SPESP1: variants seen among roughly 807,000 people sequenced by gnomAD.
SPESP1 encodes sperm equatorial segment protein 1.
A neutral mutation model predicts 3.1 loss-of-function variants in SPESP1; 1 was observed. The observed-to-expected ratio is 0.33, with a 90% CI of 0.12 to 1.54. The LOEUF is 1.54. Ranked by LOEUF, SPESP1 falls within the 40% of genes most tolerant of loss-of-function variation. The pLI, the probability that SPESP1 is intolerant of heterozygous loss-of-function variation, is 0.38. For synonymous variants in SPESP1, 138 were observed against 150.7 expected, an observed-to-expected ratio of 0.92 and a Z score of 0.62; for missense variants, 398 against 410.1, an observed-to-expected ratio of 0.97 and a Z score of 0.26.
intron 1 of SPESP1, among the ~76,000 whole-genome samples, chr15:68,934,816 T>G (rs1378579549): frequency 6.6e-6 from 1 of 152,156 alleles, no homozygotes; most frequent in African/African-American, 2.4e-5. Context: ...AAACACACAA[T>G]TTATTTAACC....
At chr15:68,944,388 A>T (rs916657992) in intron 1 of SPESP1, among the ~76,000 whole-genome samples, 3 of 151,546 alleles carry the variant, frequency 2.0e-5, no homozygotes, top group African/African-American at 4.8e-5. Context: ...CATTAGATAG[A>T]CGCCCCAACA....
intron 1 of SPESP1, among the ~76,000 whole-genome samples, chr15:68,934,278 C>T (rs1895627489): frequency 2.0e-5 from 3 of 152,022 alleles, no homozygotes; most frequent in South Asian, 4.1e-4. Context: ...AGGATTTTGT[C>T]CTAATGAACC....
At chr15:68,939,203 A>G (rs573589960) in intron 1 of SPESP1, among the ~76,000 whole-genome samples, 9 of 152,270 alleles carry the variant, frequency 5.9e-5, no homozygotes, top group Non-Finnish European at 1.0e-4. Context: ...ATGGTTTCCC[A>G]AGCTGAAGAT....
At chr15:68,942,116 A>C (rs898845618) in intron 1 of SPESP1, among the ~76,000 whole-genome samples, 1 of 150,712 alleles carries the variant, frequency 6.6e-6, no homozygotes, top group Admixed American at 6.6e-5. Flanking sequence ...GAATCACTGC[A>C]CACAGCCAAT....
intron 1 of SPESP1, among the ~76,000 whole-genome samples, chr15:68,940,445 A>G (rs1396561597): frequency 6.6e-6 from 1 of 152,188 alleles, no homozygotes; most frequent in Non-Finnish European, 1.5e-5. Context: ...ATTATCAAAT[A>G]TCTGGTTAGT....
chr15:68,933,557 TAA>T (rs879556878), intron 1 of SPESP1, among the ~76,000 whole-genome samples: 3 of 145,456 alleles, frequency 2.1e-5, no homozygotes, highest in Admixed American at 1.4e-4. Context: ...CTTTTTGCTT[TAA>T]AAAAAAAAAA....
In SPESP1 at chr15:68,945,946, C is replaced by T. The variant is rs150646553; in HGVS notation, c.412C>T (p.Pro138Ser). The T allele has an allele frequency of 2.5e-6, 4 of 1,614,098 alleles. No homozygotes were observed. In the Admixed American group the frequency reaches 5.0e-5, roughly 20 times the overall value. ...TTCCATTGTTTTGCATGCAGAGGAA[C>T]CTTATATTGAAAATGAAGAGCCAGA... ...NVSIVLHAEE[P>S]YIENEEPEPE... The change falls in exon 2 of 2, where the codon CCT becomes TCT. Residue 138 changes from proline (P) to serine (S), a missense_variant. Coordinates refer to ENST00000310673, the MANE Select transcript of SPESP1 (RefSeq NM_145658.4).
At chr15:68,945,478 G>C (rs752936789) in intron 1 of SPESP1, 121 bp from the exon 2 acceptor site, 27 of 735,688 alleles carry the variant, frequency 3.7e-5, no homozygotes, top group Non-Finnish European at 5.4e-5. Flanking sequence ...TTTGCATATT[G>C]GTTCTTTATT....
At chr15:68,942,941 A>G (rs1895864723) in intron 1 of SPESP1, among the ~76,000 whole-genome samples, 1 of 144,030 alleles carries the variant, frequency 6.9e-6, no homozygotes, top group Non-Finnish European at 1.5e-5. Flanking sequence ...GAGTTTACAT[A>G]AATAAGTTAT....
In SPESP1 at chr15:68,946,538, A is replaced by G. The variant is rs763199681; in HGVS notation, c.1004A>G (p.Lys335Arg). 6.3e-7 allele frequency: 1 copy of G among 1,582,474 alleles called. No homozygotes were observed. The highest frequency in any genetic ancestry group is 8.5e-7 in the Non-Finnish European group (1 of 1,170,652). The change falls in exon 2 of 2, where the codon AAA becomes AGA. Residue 335 changes from lysine to arginine, a missense_variant. Transcript: ENST00000310673. ...GCTGCTACAGTATTCAATACATTAA[A>G]AAATATGTGTAGATCAAGGAGAGTC... The part of the protein sequence containing the change: ...EKAATVFNTL[K>R]NMCRSRRVTA...
Position 68,938,892 on chromosome 15 carries a change from G to T in SPESP1, c.65-6707G>T, listed in dbSNP as rs181652831. ...GTACTTCTCACAGTCAAAGCTCTGGGTATAGTGCCTGGCACATAGTGATCA... is the reference window on the plus strand; with the variant it reads ...GTACTTCTCACAGTCAAAGCTCTGGTTATAGTGCCTGGCACATAGTGATCA... On this transcript the variant is annotated intron_variant, in intron 1 of 1. Coordinates refer to ENST00000310673, the MANE Select transcript of SPESP1 (RefSeq NM_145658.4). Among the ~76,000 whole-genome samples, 534 of 152,274 alleles carry T rather than the reference G, an allele frequency of 3.5e-3. 2 individuals carry two copies. The highest frequency in any genetic ancestry group is 6.2e-3 in the Non-Finnish European group (425 of 68,030).
Position 68,943,074 on chromosome 15 carries a change from G to GGTGT in SPESP1, c.65-2504_65-2501dup, listed in dbSNP as rs367666234. Among the ~76,000 whole-genome samples the GGTGT allele has an allele frequency of 2.2e-3, 324 of 147,818 alleles. 3 individuals carry two copies. The highest frequency in any genetic ancestry group is 9.7e-3 in the Admixed American group (144 of 14,820). The stretch of plus-strand genomic sequence containing the variant: ...TAATGGTTTACTATATTAAATGATT[G>GGTGT]GTGTGTGTGTGTGTGTGTGTGTGTA... On this transcript the variant is annotated intron_variant, in intron 1 of 1. Transcript: ENST00000310673.
intron 1 of SPESP1, among the ~76,000 whole-genome samples, chr15:68,932,513 C>T (rs1232848232): frequency 2.0e-5 from 3 of 152,162 alleles, no homozygotes; most frequent in African/African-American, 7.2e-5. Context: ...ACCTCAGCCT[C>T]CTGAGTAGCT....
intron 1 of SPESP1, among the ~76,000 whole-genome samples, chr15:68,931,837 T>C (rs1895551138): frequency 2.0e-5 from 3 of 152,198 alleles, no homozygotes; most frequent in African/African-American, 7.2e-5. Flanking sequence ...TTTAGTAATG[T>C]TGGAGTTTGG....
At chr15:68,943,695 A>G (rs1183541109) in intron 1 of SPESP1, among the ~76,000 whole-genome samples, 6 of 152,066 alleles carry the variant, frequency 3.9e-5, no homozygotes, top group African/African-American at 7.2e-5. Flanking sequence ...TTCAAAACCA[A>G]TCTATTCTGG....
intron 1 of SPESP1, among the ~76,000 whole-genome samples, chr15:68,944,182 C>G (rs1359414163): frequency 6.6e-6 from 1 of 151,940 alleles, no homozygotes; most frequent in Admixed American, 6.6e-5. Context: ...ATTAAAATAC[C>G]CTGGTTCAGG....
At chr15:68,933,775 C>T (rs1895613647) in intron 1 of SPESP1, among the ~76,000 whole-genome samples, 1 of 151,880 alleles carries the variant, frequency 6.6e-6, no homozygotes, top group East Asian at 1.9e-4. Context: ...GGGAGGATCA[C>T]CTGAGCCCAG....
chr15:68,943,620 A>G (rs1005373551), intron 1 of SPESP1, among the ~76,000 whole-genome samples: 2 of 151,846 alleles, frequency 1.3e-5, no homozygotes, highest in African/African-American at 4.8e-5. Context: ...TCAAGCAGCC[A>G]CCCCCTGATT....
chr15:68,938,129 T>G lies in SPESP1; in HGVS notation c.64+7412T>G, dbSNP rs144350195. Among the ~76,000 whole-genome samples, 1,450 of 152,242 alleles carry G rather than the reference T, an allele frequency of 9.5e-3. 22 individuals are homozygous for G. The highest frequency in any genetic ancestry group is 0.034 in the African/African-American group (1,401 of 41,548). Reference sequence around the variant, plus strand: ...GAGAGTAGCTGGGACTACAGGTGCATGTCACCATGCCCAGTTAATTTTTGT... The same window carrying G: ...GAGAGTAGCTGGGACTACAGGTGCAGGTCACCATGCCCAGTTAATTTTTGT... On this transcript the variant is annotated intron_variant, in intron 1 of 1. Coordinates refer to ENST00000310673, the MANE Select transcript of SPESP1 (RefSeq NM_145658.4).
Sources: allele counts gnomAD v4.1 joint callset (sites outside exome capture counted in the v4.1 genomes callset), GRCh38; gene constraint gnomAD v4.1.1; transcripts MANE v1.5; gene names NCBI Gene and HGNC (gene_info 2026-07-23, HGNC 2026-07-21).